The following UBE4B variants were observed in gnomAD, a reference collection of about 807,000 sequenced individuals.
UBE4B encodes the protein ubiquitin conjugation factor E4 B.
UBE4B carries 27 observed loss-of-function variants against 148.1 expected under a neutral mutation model. That is an observed-to-expected ratio of 0.18 (90% CI 0.13 to 0.25). The LOEUF (loss-of-function observed/expected upper bound fraction) is 0.25, where lower values mean the gene tolerates loss of function less well. Ranked by LOEUF, UBE4B falls within the 10% of genes least tolerant of loss-of-function variation. UBE4B has a pLI of 1.00. For missense variants in UBE4B, 1,170 were observed against 1,662.4 expected, an observed-to-expected ratio of 0.70 and a Z score of 5.15; for synonymous variants, 596 against 619.3, an observed-to-expected ratio of 0.96 and a Z score of 0.56.
intron 17 of UBE4B, 139 bp downstream of exon 17, chr1:10,137,344 C>T (rs1645705764): frequency 3.7e-6 from 4 of 1,081,816 alleles, no homozygotes; most frequent in Non-Finnish European, 4.0e-6. Flanking sequence ...CCTCCACCGC[C>T]ACATCCATGT....
intron 7 of UBE4B, among the ~76,000 whole-genome samples, chr1:10,110,390 AT>A (rs1374323169): frequency 1.3e-5 from 2 of 152,200 alleles, no homozygotes; most frequent in Non-Finnish European, 2.9e-5. Flanking sequence ...TGAAGTGAGA[AT>A]TACCGTGTGT....
At chr1:10,139,126 TGGCTTAC>T (rs1645743697) in intron 17 of UBE4B, among the ~76,000 whole-genome samples, 1 of 152,240 alleles carries the variant, frequency 6.6e-6, no homozygotes, top group Non-Finnish European at 1.5e-5. Flanking sequence ...CTGGGCACAG[TGGCTTAC>T]GCCTGTAATC....
At chr1:10,150,928 G>A (rs1052448049) in intron 20 of UBE4B, among the ~76,000 whole-genome samples, 8 of 148,858 alleles carry the variant, frequency 5.4e-5, no homozygotes, top group Non-Finnish European at 1.0e-4. Context: ...TTGGGAGGTC[G>A]AGGCGGGCGG....
rs1427798165 is a variant in UBE4B at position 10,144,985 on chromosome 1, C to T, written c.2409C>T (p.Ser803=). 3 of 1,613,508 alleles carry T rather than the reference C, an allele frequency of 1.9e-6. No homozygotes were observed. In the African/African-American group the frequency reaches 4.0e-5, roughly 22 times the overall value. The part of the protein sequence containing the change: ...LKNNESQWKD[S]PLATRHREML... ...ATAATGAAAGCCAATGGAAAGATTC[C>T]CCACTGGCAACTAGACACCGCGAAA... Residue 803 remains serine, a synonymous_variant, in exon 18 of 28, where the codon TCC becomes TCT. Transcript: ENST00000343090.
At chr1:10,171,415 A>G in intron 25 of UBE4B, 86 bp downstream of exon 25, 1 of 1,471,836 alleles carries the variant, frequency 6.8e-7, no homozygotes, top group South Asian at 1.3e-5. Context: ...CGTCTGGTGT[A>G]AATGAAGATG....
At chr1:10,158,215 T>C in intron 21 of UBE4B, 141 bp from the exon 22 acceptor site, 1 of 1,014,954 alleles carries the variant, frequency 9.9e-7, no homozygotes, top group Non-Finnish European at 1.4e-6. Flanking sequence ...TGTCGTGCCC[T>C]ACATGCAAAA....
chr1:10,109,177 G>T (rs1271514097), intron 7 of UBE4B, among the ~76,000 whole-genome samples: 1 of 151,936 alleles, frequency 6.6e-6, no homozygotes, highest in Non-Finnish European at 1.5e-5. Context: ...CCTCGCTGTA[G>T]CCTGCTGTGA....
intron 18 of UBE4B, among the ~76,000 whole-genome samples, 166 bp from the exon 19 acceptor site, chr1:10,146,797 A>G (rs1175500670): frequency 2.6e-5 from 4 of 152,126 alleles, no homozygotes; most frequent in Admixed American, 1.3e-4. Context: ...TTTCTCAGGA[A>G]AAAGGTCTTG....
intron 21 of UBE4B, among the ~76,000 whole-genome samples, chr1:10,155,210 G>A (rs974287625): frequency 2.0e-5 from 3 of 152,106 alleles, no homozygotes; most frequent in African/African-American, 7.2e-5. Flanking sequence ...AAGGAATTGG[G>A]TGGGGGTTGT....
chr1:10,136,428 CCACTG>C (rs1437775548), intron 16 of UBE4B, among the ~76,000 whole-genome samples: 3 of 150,848 alleles, frequency 2.0e-5, no homozygotes, highest in Admixed American at 6.6e-5. Context: ...TGTGATCTTA[CCACTG>C]CACTGCACTG....
chr1:10,065,390 A>G (rs1297310074), intron 1 of UBE4B, among the ~76,000 whole-genome samples: 1 of 152,196 alleles, frequency 6.6e-6, no homozygotes, highest in Non-Finnish European at 1.5e-5. Context: ...AGCAACCACC[A>G]GTGCCCAGCT....
Position 10,119,580 on chromosome 1 carries a change from C to T in UBE4B, c.1406C>T (p.Ala469Val), listed in dbSNP as rs753839442. 3.7e-6 allele frequency: 6 copies of T among 1,613,544 alleles called. No homozygotes were observed. The highest frequency in any genetic ancestry group is 5.1e-6 in the Non-Finnish European group (6 of 1,179,576). Residue 469 changes from alanine to valine, a missense_variant, in exon 9 of 28, where the codon GCT becomes GTT. Physicochemically the swap from Ala to Val is moderately conservative, Grantham distance 64. Around this residue, in one of 6 missense-constraint regions of UBE4B, gnomAD observed 388 missense variants for 536.0 expected, o/e 0.72. Coordinates refer to ENST00000343090, the MANE Select transcript of UBE4B (RefSeq NM_001105562.3). ...NIRSQCISHT[A>V]LVLQGSLTQP... Reference sequence around the variant, plus strand: ...CGCTCACAGTGCATATCCCATACTGCTTTAGTACTACAAGGCTCCCTAACA... The same window carrying T: ...CGCTCACAGTGCATATCCCATACTGTTTTAGTACTACAAGGCTCCCTAACA...
At chr1:10,061,257 AGTTT>A (rs148389459) in intron 1 of UBE4B, among the ~76,000 whole-genome samples, 3,256 of 152,078 alleles carry the variant, frequency 0.021, 64 homozygotes, top group African/African-American at 0.05. Flanking sequence ...GTGCAAAACA[AGTTT>A]GTTTGTTTTT....
chr1:10,180,218 G>A lies in UBE4B; in HGVS notation c.*262G>A. On this transcript the variant is annotated 3_prime_UTR_variant, in exon 28 of 28. Transcript: ENST00000343090. ...TATGGTTGCTTGTGTAATAAAGCAT[G>A]TCCTTCGTATGTCACAGTTTGGGGC... 1 of 512,060 alleles carries A rather than the reference G, an allele frequency of 2.0e-6. No homozygotes were observed. The highest frequency in any genetic ancestry group is 3.5e-6 in the Non-Finnish European group (1 of 288,060). 31.7% of individuals were successfully genotyped at this position (512,060 alleles called of 1,614,324 possible). A position where few individuals can be genotyped will look rare whatever the true frequency, so the allele number is the denominator to read the frequency against.
chr1:10,153,298 G>A (rs1461053666), intron 21 of UBE4B, among the ~76,000 whole-genome samples: 2 of 151,500 alleles, frequency 1.3e-5, no homozygotes, highest in Non-Finnish European at 2.9e-5. Flanking sequence ...TTGAGCCTAA[G>A]AGTTGGAGAC....
chr1:10,152,494 G>C (rs868225029), intron 21 of UBE4B, among the ~76,000 whole-genome samples: 5 of 151,388 alleles, frequency 3.3e-5, no homozygotes, highest in Middle Eastern at 3.4e-3. Context: ...CACACCAAGA[G>C]CCTTAAAAAT....
In UBE4B at chr1:10,126,128, G is replaced by A. The variant is rs1347770202; in HGVS notation, c.1555-666G>A. On this transcript the variant is annotated intron_variant, in intron 10 of 27. Coordinates refer to ENST00000343090, the MANE Select transcript of UBE4B (RefSeq NM_001105562.3). ...AGCGTGGCCAACAAAGTGAAACCCC[G>A]TCTCTACTAAAAATACAAAAATTAG... Among the ~76,000 whole-genome samples the A allele has an allele frequency of 5.3e-5, 8 of 152,144 alleles. No individual in the cohort carries two copies. In the East Asian group the frequency reaches 1.2e-3, roughly 22 times the overall value.
At position 10,126,071 on chromosome 1, in the gene UBE4B, C is replaced by T. The variant is rs555121014; in HGVS notation, c.1555-723C>T. ...ATCCCAGCACTTTGGGAGGCTGAGGCGGGTGGATCACGAGGTCAGGAGTTC... is the reference window on the plus strand; with the variant it reads ...ATCCCAGCACTTTGGGAGGCTGAGGTGGGTGGATCACGAGGTCAGGAGTTC... On this transcript the variant is annotated intron_variant, in intron 10 of 27. Coordinates refer to ENST00000343090, the MANE Select transcript of UBE4B (RefSeq NM_001105562.3). Among the ~76,000 whole-genome samples, 9 of 152,218 alleles carry T rather than the reference C, an allele frequency of 5.9e-5. No homozygotes were observed. In the East Asian group the frequency reaches 1.2e-3, roughly 20 times the overall value.
At chr1:10,036,523 G>A (rs1234480450) in intron 1 of UBE4B, among the ~76,000 whole-genome samples, 4 of 150,680 alleles carry the variant, frequency 2.7e-5, no homozygotes, top group African/African-American at 9.8e-5. Context: ...TTGTAGAGAC[G>A]GGGGTCTTGC....
Sources: gnomAD v4.1 joint callset for allele counts (sites outside exome capture counted in the v4.1 genomes callset) on GRCh38, gnomAD v4.1.1 for gene constraint, gnomAD v4.1.1 regional missense constraint, MANE v1.5 for transcripts, NCBI Gene and HGNC (gene_info 2026-07-23, HGNC 2026-07-21) for gene names.